Variants in MGAT4D observed in about 807,000 individuals in gnomAD.
MGAT4D encodes the protein alpha-1,3-mannosyl-glycoprotein 4-beta-N-acetylglucosaminyltransferase-like protein MGAT4D.
A neutral mutation model predicts 15.9 loss-of-function variants in MGAT4D; 34 were observed. That is an observed-to-expected ratio of 2.14 (90% CI 1.62 to 2.84). The LOEUF (loss-of-function observed/expected upper bound fraction) is 2.84. Among genes scored for constraint, MGAT4D ranks in the 30% most tolerant of loss-of-function variants. The pLI is 0.00. For synonymous variants in MGAT4D, 112 were observed against 48.2 expected (o/e 2.33, Z -5.49); for missense variants, 327 against 140.2 (o/e 2.33, Z -6.73).
At position 140,491,334 on chromosome 4, in the gene MGAT4D, G is replaced by A. The variant is rs544784865; in HGVS notation, c.94+6795C>T. 2.6e-5 allele frequency among the ~76,000 whole-genome samples: 4 copies of A among 152,204 alleles called. No homozygotes were observed. The South Asian group carries it at 8.3e-4, about 32-fold the overall frequency. ...GATGAGGGTGTTTCCCTTCCATCAAGGGAAGAGAGATCCCCAAGAAATAAA... is the reference window on the plus strand; with the variant it reads ...GATGAGGGTGTTTCCCTTCCATCAAAGGAAGAGAGATCCCCAAGAAATAAA... On this transcript the variant is annotated intron_variant, in intron 1 of 10. Coordinates refer to ENST00000511113, the MANE Select transcript of MGAT4D (RefSeq NM_001277353.2).
intron 3 of MGAT4D, among the ~76,000 whole-genome samples, chr4:140,475,421 GT>G (rs1399499469): frequency 6.6e-6 from 1 of 152,036 alleles, no homozygotes; most frequent in Admixed American, 6.5e-5. Context: ...AGTAACTTTT[GT>G]TGCCCAAGAA....
chr4:140,471,720 T>C (rs1731974221), intron 5 of MGAT4D, 55 bp downstream of exon 5: 1 of 378,642 alleles, frequency 2.6e-6, no homozygotes, highest in African/African-American at 2.1e-5. Context: ...ACAGAAAAAA[T>C]AAGATAGAAA....
chr4:140,451,380 T>C, intron 10 of MGAT4D, 30 bp downstream of exon 10: 1 of 565,476 alleles, frequency 1.8e-6, no homozygotes, highest in South Asian at 2.4e-5. Context: ...AAACATTGTA[T>C]GTTACTAAAG....
intron 7 of MGAT4D, among the ~76,000 whole-genome samples, chr4:140,459,855 A>G (rs1331698343): frequency 8.2e-6 from 1 of 121,510 alleles, no homozygotes; most frequent in African/African-American, 3.3e-5. Context: ...CCCAGGCTGG[A>G]GTGCAGTTGC....
intron 10 of MGAT4D, among the ~76,000 whole-genome samples, chr4:140,446,435 A>G (rs13110769): frequency 0.99 from 150,365 of 152,306 alleles, 74,247 homozygotes; most frequent in Middle Eastern, 1. Flanking sequence ...ACTTCCTCTA[A>G]ATTTTCTAGT....
At chr4:140,459,799 CTTT>C (rs576574327) in intron 7 of MGAT4D, among the ~76,000 whole-genome samples, 173 bp from the exon 8 acceptor site, 2,994 of 108,888 alleles carry the variant, frequency 0.027, 13 homozygotes, top group Middle Eastern at 0.052. Context: ...AGTTGATTTC[CTTT>C]TTTTTTTTTT....
At position 140,443,344 on chromosome 4, in the gene MGAT4D, T is replaced by G. The variant is rs936797216; in HGVS notation, c.*92A>C. The stretch of plus-strand genomic sequence containing the variant: ...TGTTTACTTATCTGCTAGATAATTA[T>G]GTATTTTCATTACTACAATTTCTGA... On this transcript the variant is annotated 3_prime_UTR_variant, in exon 11 of 11. Coordinates refer to ENST00000511113, the MANE Select transcript of MGAT4D (RefSeq NM_001277353.2). 11 of 432,134 alleles carry G rather than the reference T, an allele frequency of 2.5e-5. No homozygotes were observed. The highest frequency in any genetic ancestry group is 4.3e-5 in the Admixed American group (1 of 23,414). The allele number at this position is 432,134 out of a possible 1,614,324, so 26.8% of individuals were successfully genotyped here. A position where few individuals can be genotyped will look rare whatever the true frequency, so the allele number is the denominator to read the frequency against.
chr4:140,465,282 C>T (rs1055126384), intron 5 of MGAT4D, among the ~76,000 whole-genome samples: 5 of 152,116 alleles, frequency 3.3e-5, no homozygotes, highest in Non-Finnish European at 5.9e-5. Flanking sequence ...CAGATGTGTA[C>T]TCTGACATTT....
chr4:140,487,271 A>G (rs1454844802), intron 1 of MGAT4D, among the ~76,000 whole-genome samples: 1 of 152,200 alleles, frequency 6.6e-6, no homozygotes, highest in Non-Finnish European at 1.5e-5. Context: ...AGATGCTTTG[A>G]GTCAATTGGG....
chr4:140,491,697 G>A (rs1344814808), intron 1 of MGAT4D, among the ~76,000 whole-genome samples: 1 of 151,828 alleles, frequency 6.6e-6, no homozygotes, highest in African/African-American at 2.4e-5. Flanking sequence ...GCAGGAGATG[G>A]ATATCCCTTA....
intron 5 of MGAT4D, among the ~76,000 whole-genome samples, chr4:140,467,598 T>C (rs1168816924): frequency 4.6e-5 from 7 of 152,162 alleles, no homozygotes; most frequent in Non-Finnish European, 8.8e-5. Flanking sequence ...ACTTGAAATT[T>C]TGTGTGTTGA....
chr4:140,491,300 C>T (rs1733486324), intron 1 of MGAT4D, among the ~76,000 whole-genome samples: 1 of 152,156 alleles, frequency 6.6e-6, no homozygotes. Flanking sequence ...ACTCCCCCAA[C>T]TGGATGGAGA....
chr4:140,473,507 T>A (rs189259931), intron 4 of MGAT4D, among the ~76,000 whole-genome samples: 1 of 152,168 alleles, frequency 6.6e-6, no homozygotes, highest in Admixed American at 6.5e-5. Context: ...AACAACCTTA[T>A]GGCATAGGCA....
At chr4:140,464,750 T>C in intron 6 of MGAT4D, 146 bp downstream of exon 6, 1 of 592,176 alleles carries the variant, frequency 1.7e-6, no homozygotes, top group South Asian at 2.2e-5. Context: ...AGTTGGGAAG[T>C]GATGCACATA....
In MGAT4D at chr4:140,443,200, A is replaced by T. The variant is rs771889969; in HGVS notation, c.*236T>A. On this transcript the variant is annotated 3_prime_UTR_variant, in exon 11 of 11. Coordinates refer to ENST00000511113, the MANE Select transcript of MGAT4D (RefSeq NM_001277353.2). ...AAGTGCAGTTCTTAATTTAAAAAAA[A>T]CTTCCTTGCCTTTAGTATTTTTAAA... 2.0e-4 allele frequency: 46 copies of T among 225,186 alleles called. No individual in the cohort carries two copies. Among genetic ancestry groups the T allele is most frequent in the Non-Finnish European group, 3.6e-4 (42 of 117,736 alleles). The allele number at this position is 225,186 out of a possible 1,614,324, so 13.9% of individuals were successfully genotyped here. A position where few individuals can be genotyped will look rare whatever the true frequency, so the allele number is the denominator to read the frequency against.
At chr4:140,462,919 A>G (rs978901442) in intron 6 of MGAT4D, among the ~76,000 whole-genome samples, 13 of 152,182 alleles carry the variant, frequency 8.5e-5, no homozygotes, top group African/African-American at 3.1e-4. Flanking sequence ...CTGCAGCAAC[A>G]TACCAGGAAA....
chr4:140,498,094 C>T, intron 1 of MGAT4D, 35 bp downstream of exon 1: 2 of 694,646 alleles, frequency 2.9e-6, no homozygotes, highest in Non-Finnish European at 5.2e-6. Context: ...GCCCCCGCGG[C>T]GGGAAAGGAG....
chr4:140,462,328 G>C (rs1043075768), intron 6 of MGAT4D, among the ~76,000 whole-genome samples: 2 of 152,084 alleles, frequency 1.3e-5, no homozygotes, highest in African/African-American at 4.8e-5. Flanking sequence ...TCAAATGAAA[G>C]TATAAAGAAA....
chr4:140,443,579 T>C (rs973179331), intron 10 of MGAT4D, 135 bp from the exon 11 acceptor site: 60 of 316,842 alleles, frequency 1.9e-4, no homozygotes, highest in Admixed American at 3.1e-4. Flanking sequence ...ACTTTTTATA[T>C]AGAGAAGGTA....
Sources: gnomAD v4.1 joint callset for allele counts (sites outside exome capture counted in the v4.1 genomes callset) on GRCh38, gnomAD v4.1.1 for gene constraint, MANE v1.5 for transcripts, NCBI Gene and HGNC (gene_info 2026-07-23, HGNC 2026-07-21) for gene names.